Variants in STT3B observed in about 807,000 individuals in gnomAD.
STT3B encodes STT3 oligosaccharyltransferase complex catalytic subunit B.
STT3B carries 29 observed loss-of-function variants against 96.8 expected under a neutral mutation model. That is an observed-to-expected ratio of 0.30 (90% CI 0.22 to 0.41). STT3B has a LOEUF of 0.41. STT3B is among the 10% of genes least tolerant of loss of function. STT3B has a pLI of 1.00. For synonymous variants in STT3B, 367 were observed against 360.0 expected (o/e 1.02, Z -0.22); for missense variants, 640 against 1,022.3 (o/e 0.63, Z 5.10).
chr3:31,544,773 T>G (rs530987984), intron 1 of STT3B, among the ~76,000 whole-genome samples: 100 of 152,194 alleles, frequency 6.6e-4, no homozygotes, highest in Middle Eastern at 3.4e-3. Flanking sequence ...CTAGCCAGTT[T>G]GAGACCAGCC....
intron 15 of STT3B, 121 bp downstream of exon 15, chr3:31,633,268 A>G (rs1022222987): frequency 4.7e-6 from 4 of 842,900 alleles, no homozygotes; most frequent in East Asian, 5.3e-5. Flanking sequence ...TGGCTTCTAT[A>G]TTAATACGAA....
intron 1 of STT3B, among the ~76,000 whole-genome samples, chr3:31,541,651 A>G (rs1236432925): frequency 6.6e-6 from 1 of 152,062 alleles, no homozygotes; most frequent in East Asian, 1.9e-4. Flanking sequence ...ATCTCAGCTC[A>G]CTGCAAGCTC....
chr3:31,583,327 A>G (rs998321345), intron 3 of STT3B, among the ~76,000 whole-genome samples: 1 of 151,828 alleles, frequency 6.6e-6, no homozygotes, highest in African/African-American at 2.4e-5. Context: ...AAAAATTCAA[A>G]GTCTGTTTTT....
At position 31,619,584 on chromosome 3, in the gene STT3B, A is replaced by G. The variant is rs1223544208; in HGVS notation, c.1173-92A>G. ...AAATAAGAAGGGGTAGGGAGTAGGT[A>G]CCATTTCTACAACCAAACAAGATTT... is the stretch of plus-strand genomic sequence containing the variant. On this transcript the variant is annotated intron_variant, in intron 8 of 15. Transcript: ENST00000295770. 4.8e-6 allele frequency: 5 copies of G among 1,051,626 alleles called. No individual in the cohort carries two copies. In the African/African-American group the frequency reaches 4.8e-5, roughly 10 times the overall value. The allele number at this position is 1,051,626 out of a possible 1,614,324, so 65.1% of individuals were successfully genotyped here.
intron 1 of STT3B, among the ~76,000 whole-genome samples, chr3:31,562,178 C>T (rs1423432070): frequency 2.0e-5 from 3 of 152,098 alleles, no homozygotes; most frequent in East Asian, 1.9e-4. Flanking sequence ...GGCAGCTTCT[C>T]GAGCCCCTGG....
intron 1 of STT3B, among the ~76,000 whole-genome samples, chr3:31,533,899 G>A (rs961788437): frequency 6.6e-6 from 1 of 152,206 alleles, no homozygotes; most frequent in Non-Finnish European, 1.5e-5. Flanking sequence ...ATGCTCTCAT[G>A]ATACGAGAAG....
chr3:31,599,357 G>A (rs771506511), intron 4 of STT3B, among the ~76,000 whole-genome samples: 4 of 152,116 alleles, frequency 2.6e-5, no homozygotes, highest in Non-Finnish European at 4.4e-5. Context: ...TATCAAACTT[G>A]TTCTCTTTCA....
chr3:31,539,953 T>G (rs1156546897), intron 1 of STT3B, among the ~76,000 whole-genome samples: 1 of 152,120 alleles, frequency 6.6e-6, no homozygotes, highest in East Asian at 1.9e-4. Context: ...TTTTAGTGTA[T>G]GTGTTGGCCC....
chr3:31,636,117 T>TTTGCC lies in STT3B; in HGVS notation c.*56_*60dup. The TTTGCC allele has an allele frequency of 7.2e-7, 1 of 1,389,112 alleles. No homozygotes were observed. Among genetic ancestry groups the TTTGCC allele is most frequent in the South Asian group, 1.4e-5 (1 of 71,494 alleles). 86.0% of individuals were successfully genotyped at this position (1,389,112 alleles called of 1,614,324 possible). Reference sequence around the variant, plus strand: ...GCAGTTGTCCTTGTGAGAACCGGTCTTTGCCTTTAGCTCATGTCGTGTTTC... The same window carrying TTTGCC: ...GCAGTTGTCCTTGTGAGAACCGGTCTTTGCCTTGCCTTTAGCTCATGTCGTGTTTC... On this transcript the variant is annotated 3_prime_UTR_variant, in exon 16 of 16. Transcript: ENST00000295770.
At chr3:31,609,425 T>C (rs1416172412) in intron 5 of STT3B, among the ~76,000 whole-genome samples, 1 of 152,198 alleles carries the variant, frequency 6.6e-6, no homozygotes, top group Non-Finnish European at 1.5e-5. Context: ...ATACAGTACC[T>C]TTGTAATTTC....
intron 15 of STT3B, among the ~76,000 whole-genome samples, chr3:31,635,168 A>T (rs1653986370): frequency 6.6e-6 from 1 of 152,144 alleles, no homozygotes; most frequent in Non-Finnish European, 1.5e-5. Context: ...GTTAACCCAG[A>T]GCTTTGATGG....
At chr3:31,609,532 G>T (rs1699136529) in intron 5 of STT3B, among the ~76,000 whole-genome samples, 1 of 152,034 alleles carries the variant, frequency 6.6e-6, no homozygotes, top group African/African-American at 2.4e-5. Context: ...GTTTAGATTT[G>T]TTTTTTCATT....
chr3:31,594,242 C>T (rs1698735264), intron 3 of STT3B, among the ~76,000 whole-genome samples: 1 of 152,168 alleles, frequency 6.6e-6, no homozygotes, highest in Non-Finnish European at 1.5e-5. Flanking sequence ...GTTAATTCTG[C>T]TGCGGACACC....
intron 15 of STT3B, among the ~76,000 whole-genome samples, chr3:31,633,959 A>C (rs1699713315): frequency 6.6e-6 from 1 of 152,170 alleles, no homozygotes; most frequent in Admixed American, 6.5e-5. Context: ...ATATCATTGA[A>C]ACAACTGTCT....
At chr3:31,593,751 T>TA (rs142853175) in intron 3 of STT3B, among the ~76,000 whole-genome samples, 6,627 of 152,228 alleles carry the variant, frequency 0.044, 370 homozygotes, top group East Asian at 0.32. Flanking sequence ...AGAATATGTA[T>TA]CTCTGTTTCT....
chr3:31,554,449 C>G (rs547499764), intron 1 of STT3B, among the ~76,000 whole-genome samples: 1 of 152,028 alleles, frequency 6.6e-6, no homozygotes, highest in Non-Finnish European at 1.5e-5. Flanking sequence ...TTTGTTTTCC[C>G]TGATGAAAAT....
chr3:31,630,178 A>G (rs1293030695), intron 14 of STT3B, among the ~76,000 whole-genome samples: 1 of 152,214 alleles, frequency 6.6e-6, no homozygotes, highest in Non-Finnish European at 1.5e-5. Flanking sequence ...GCTGAAGGCA[A>G]TTTAGAAGCA....
rs1186747026 is a variant in STT3B, at chr3:31,580,209, C to G, written c.711+113C>G. ...AAATTATGTAGTTGCGTACAGAGAT[C>G]TGTATTACTGTTCATAATCAATTTA... On this transcript the variant is annotated intron_variant, in intron 3 of 15. Coordinates refer to ENST00000295770, the MANE Select transcript of STT3B (RefSeq NM_178862.3). The G allele has an allele frequency of 7.3e-6, 7 of 952,966 alleles. No homozygotes were observed. The East Asian group carries it at 1.2e-4, about 16-fold the overall frequency. The allele number at this position is 952,966 out of a possible 1,614,324, so 59.0% of individuals were successfully genotyped here.
At chr3:31,546,254 T>C (rs560473000) in intron 1 of STT3B, among the ~76,000 whole-genome samples, 67 of 151,814 alleles carry the variant, frequency 4.4e-4, no homozygotes, top group Admixed American at 2.0e-3. Context: ...GAGTGGGGAG[T>C]CCTTCAGCTT....
Sources: allele counts gnomAD v4.1 joint callset (sites outside exome capture counted in the v4.1 genomes callset), GRCh38; gene constraint gnomAD v4.1.1; transcripts MANE v1.5; gene names NCBI Gene and HGNC (gene_info 2026-07-23, HGNC 2026-07-21).